Variants in EGFLAM observed in about 807,000 individuals in gnomAD.
The protein encoded by EGFLAM is pikachurin.
EGFLAM carries 79 observed loss-of-function variants against 113.1 expected under a neutral mutation model. That is an observed-to-expected ratio of 0.70 (90% CI 0.58 to 0.84). The LOEUF (loss-of-function observed/expected upper bound fraction) is 0.84, where lower values mean the gene tolerates loss of function less well. EGFLAM is among the 40% of genes least tolerant of loss of function. EGFLAM has a pLI of 0.00. For missense variants in EGFLAM, 1,265 were observed against 1,291.6 expected (o/e 0.98, Z 0.32); for synonymous variants, 504 against 487.6 (o/e 1.03, Z -0.44).
At chr5:38,298,225 C>T (rs933816431) in intron 1 of EGFLAM, among the ~76,000 whole-genome samples, 4 of 152,200 alleles carry the variant, frequency 2.6e-5, no homozygotes, top group African/African-American at 9.6e-5. Flanking sequence ...CCCGCCTGTA[C>T]AGCAACTGGC....
chr5:38,264,062 T>G (rs902869758), intron 1 of EGFLAM, among the ~76,000 whole-genome samples: 2 of 152,218 alleles, frequency 1.3e-5, no homozygotes, highest in African/African-American at 2.4e-5. Flanking sequence ...AGCCGTGGCA[T>G]GTCTGGGAAG....
At chr5:38,359,215 G>T (rs1018471639) in intron 5 of EGFLAM, among the ~76,000 whole-genome samples, 2 of 151,998 alleles carry the variant, frequency 1.3e-5, no homozygotes, top group African/African-American at 4.8e-5. Context: ...TGCCATGCCT[G>T]TCGTATGCTG....
At chr5:38,403,279 A>G (rs1240975943) in intron 6 of EGFLAM, 1 of 155,150 alleles carries the variant, frequency 6.4e-6, no homozygotes, top group Non-Finnish European at 1.4e-5. Flanking sequence ...CAGCAGAACT[A>G]GCATAAATTT....
chr5:38,430,425 G>A (rs1742152788), intron 14 of EGFLAM, among the ~76,000 whole-genome samples: 1 of 152,114 alleles, frequency 6.6e-6, no homozygotes, highest in Admixed American at 6.5e-5. Flanking sequence ...TAAATGCAAT[G>A]TTCCTACTGT....
At chr5:38,352,812 G>T (rs1000174045) in intron 5 of EGFLAM, among the ~76,000 whole-genome samples, 1 of 152,136 alleles carries the variant, frequency 6.6e-6, no homozygotes, top group African/African-American at 2.4e-5. Flanking sequence ...ACACATCTTT[G>T]TTGGTGGGTC....
chr5:38,337,758 A>G, intron 2 of EGFLAM, 129 bp downstream of exon 2: 1 of 761,148 alleles, frequency 1.3e-6, no homozygotes, highest in Non-Finnish European at 2.1e-6. Context: ...CCATAAAGCT[A>G]GAAGAAATGT....
intron 1 of EGFLAM, among the ~76,000 whole-genome samples, chr5:38,267,823 A>G (rs1579704117): frequency 6.6e-6 from 1 of 152,360 alleles, no homozygotes. Context: ...GGCAGCAAAT[A>G]TACTTAGAAT....
At chr5:38,392,780 C>T (rs1220552750) in intron 6 of EGFLAM, among the ~76,000 whole-genome samples, 2 of 152,106 alleles carry the variant, frequency 1.3e-5, no homozygotes, top group East Asian at 3.9e-4. Context: ...GTGTGCTGCA[C>T]CCATTAACTC....
chr5:38,309,168 A>G (rs1758801210), intron 1 of EGFLAM, among the ~76,000 whole-genome samples: 1 of 152,224 alleles, frequency 6.6e-6, no homozygotes, highest in Non-Finnish European at 1.5e-5. Context: ...GAAGTTATTT[A>G]CATCTACTAT....
chr5:38,287,226 G>C (rs1445152096), intron 1 of EGFLAM, among the ~76,000 whole-genome samples: 1 of 152,132 alleles, frequency 6.6e-6, no homozygotes, highest in Admixed American at 6.5e-5. Flanking sequence ...CTGAGCTTCA[G>C]TTTTTTTCTT....
intron 6 of EGFLAM, among the ~76,000 whole-genome samples, chr5:38,386,539 G>A (rs899841517): frequency 1.6e-4 from 23 of 147,860 alleles, no homozygotes; most frequent in African/African-American, 5.5e-4. Context: ...AAGGAGTCTC[G>A]CTCTGTTGCC....
chr5:38,450,024 C>CA (rs1314379614), intron 18 of EGFLAM, among the ~76,000 whole-genome samples: 3 of 152,138 alleles, frequency 2.0e-5, no homozygotes, highest in Admixed American at 2.0e-4. Flanking sequence ...AGTGGAAGTC[C>CA]AAAAGACTTT....
At chr5:38,341,383 T>G (rs1739332675) in intron 3 of EGFLAM, among the ~76,000 whole-genome samples, 1 of 152,168 alleles carries the variant, frequency 6.6e-6, no homozygotes, top group Non-Finnish European at 1.5e-5. Flanking sequence ...AAGCCCCTTA[T>G]AAAATCATCA....
intron 6 of EGFLAM, among the ~76,000 whole-genome samples, chr5:38,387,882 T>C (rs916970126): frequency 2.0e-5 from 3 of 152,228 alleles, no homozygotes; most frequent in African/African-American, 7.2e-5. Flanking sequence ...TATGGGTCAG[T>C]GAAGACTCAA....
intron 5 of EGFLAM, among the ~76,000 whole-genome samples, chr5:38,357,810 T>C (rs367957866): frequency 1.3e-5 from 2 of 151,702 alleles, no homozygotes; most frequent in East Asian, 3.9e-4. Flanking sequence ...TATTTGCTAT[T>C]CAATGGAGAT....
At chr5:38,318,083 G>A (rs1358252785) in intron 1 of EGFLAM, among the ~76,000 whole-genome samples, 3 of 152,062 alleles carry the variant, frequency 2.0e-5, no homozygotes, top group Admixed American at 6.5e-5. Flanking sequence ...TCAGGACTTG[G>A]GACAGTTCTG....
At chr5:38,316,741 C>T (rs557040008) in intron 1 of EGFLAM, among the ~76,000 whole-genome samples, 119 of 152,264 alleles carry the variant, frequency 7.8e-4, no homozygotes, top group South Asian at 4.6e-3. Flanking sequence ...CCCTGGGACA[C>T]GAGTTCCAAC....
At chr5:38,340,599 G>A (rs557317037) in intron 3 of EGFLAM, among the ~76,000 whole-genome samples, 5 of 152,160 alleles carry the variant, frequency 3.3e-5, no homozygotes, top group African/African-American at 7.2e-5. Flanking sequence ...ATCAGATGTC[G>A]TTATTAACAT....
Position 38,426,110 on chromosome 5 carries a change from A to AG in EGFLAM, c.1811-899_1811-898insG, listed in dbSNP as rs575956329. On this transcript the variant is annotated intron_variant, in intron 13 of 21. Transcript: ENST00000322350. Reference sequence around the variant, plus strand: ...AGAGCGAGACTCCATCTTGGGAAAAAAAAAAAAGATAGGGAAGGTAGACAC... The same window carrying AG: ...AGAGCGAGACTCCATCTTGGGAAAAAGAAAAAAAGATAGGGAAGGTAGACAC... 7.1e-4 allele frequency among the ~76,000 whole-genome samples: 108 copies of AG among 152,080 alleles called. 1 individual carries two copies. Among genetic ancestry groups the AG allele is most frequent in the African/African-American group, 2.4e-3 (100 of 41,442 alleles).
Sources: gnomAD v4.1 joint callset for allele counts (sites outside exome capture counted in the v4.1 genomes callset) on GRCh38, gnomAD v4.1.1 for gene constraint, MANE v1.5 for transcripts, NCBI Gene and HGNC (gene_info 2026-07-23, HGNC 2026-07-21) for gene names.